THADA: variants seen among roughly 807,000 people sequenced by gnomAD.
The protein encoded by THADA is tRNA (32-2'-O)-methyltransferase regulator THADA.
THADA carries 213 observed loss-of-function variants against 219.8 expected under a neutral mutation model. That is an observed-to-expected ratio of 0.97 (90% confidence interval 0.87 to 1.09). THADA has a LOEUF of 1.09. THADA is among the 50% of genes least tolerant of loss of function. The pLI, the probability that THADA is intolerant of heterozygous loss-of-function variation, is 0.00. For missense variants in THADA, 2,956 were observed against 2,311.3 expected (o/e 1.28, Z -5.72); for synonymous variants, 1,018 against 828.9 (o/e 1.23, Z -3.92).
intron 23 of THADA, among the ~76,000 whole-genome samples, chr2:43,508,122 T>A (rs1212429551): frequency 6.6e-6 from 1 of 152,108 alleles, no homozygotes; most frequent in African/African-American, 2.4e-5. Flanking sequence ...CTAGAATATA[T>A]GGATGATAAT....
intron 30 of THADA, among the ~76,000 whole-genome samples, chr2:43,340,896 C>T (rs529842901): frequency 7.2e-5 from 11 of 152,284 alleles, no homozygotes; most frequent in African/African-American, 2.4e-4. Context: ...TATAGACAGA[C>T]AACTCCCAGA....
At chr2:43,371,031 T>C (rs899020908) in intron 29 of THADA, among the ~76,000 whole-genome samples, 7 of 152,248 alleles carry the variant, frequency 4.6e-5, no homozygotes, top group Non-Finnish European at 1.0e-4. Flanking sequence ...ATTACATTTC[T>C]GCTTTGAAGT....
intron 36 of THADA, among the ~76,000 whole-genome samples, chr2:43,270,155 T>C (rs1470772814): frequency 6.6e-6 from 1 of 152,240 alleles, no homozygotes; most frequent in African/African-American, 2.4e-5. Context: ...AGAGAGGTAC[T>C]GTCCTGGGCC....
chr2:43,255,195 C>G (rs1037348497), intron 36 of THADA, among the ~76,000 whole-genome samples: 2 of 152,204 alleles, frequency 1.3e-5, no homozygotes, highest in African/African-American at 4.8e-5. Flanking sequence ...ACATTCTTCT[C>G]TGAAAACATA....
chr2:43,481,407 A>G (rs1686204208), intron 26 of THADA, among the ~76,000 whole-genome samples: 1 of 152,226 alleles, frequency 6.6e-6, no homozygotes, highest in Non-Finnish European at 1.5e-5. Flanking sequence ...TTAATAAGAC[A>G]GAATAGAGAT....
chr2:43,447,578 A>C (rs1481224885), intron 26 of THADA, among the ~76,000 whole-genome samples: 1 of 152,204 alleles, frequency 6.6e-6, no homozygotes, highest in Non-Finnish European at 1.5e-5. Flanking sequence ...CACAAGAGTT[A>C]AGGCACTGCA....
At chr2:43,272,743 G>A (rs1672277361) in intron 36 of THADA, among the ~76,000 whole-genome samples, 1 of 149,964 alleles carries the variant, frequency 6.7e-6, no homozygotes. Context: ...TCCCACCTCA[G>A]CCTCTTCAGT....
intron 36 of THADA, among the ~76,000 whole-genome samples, chr2:43,243,836 G>A (rs1668859839): frequency 6.6e-6 from 1 of 152,158 alleles, no homozygotes; most frequent in Admixed American, 6.5e-5. Context: ...TGGAACAAAT[G>A]GCCTGGGTTC....
At chr2:43,567,656 A>T (rs1293801425) in intron 14 of THADA, among the ~76,000 whole-genome samples, 1 of 152,216 alleles carries the variant, frequency 6.6e-6, no homozygotes, top group Non-Finnish European at 1.5e-5. Flanking sequence ...ACTAAGAAGT[A>T]TCATTCAAAC....
At chr2:43,287,457 G>A (rs1422086754) in intron 34 of THADA, among the ~76,000 whole-genome samples, 1 of 152,112 alleles carries the variant, frequency 6.6e-6, no homozygotes, top group Admixed American at 6.6e-5. Flanking sequence ...ACCACACCTG[G>A]CTAATTTTTG....
chr2:43,422,074 C>T (rs773386941), intron 28 of THADA, among the ~76,000 whole-genome samples: 8 of 152,176 alleles, frequency 5.3e-5, no homozygotes, highest in East Asian at 3.8e-4. Flanking sequence ...ACCTCAGGTG[C>T]GCTGCAGATA....
intron 29 of THADA, among the ~76,000 whole-genome samples, chr2:43,353,822 A>ATTTT (rs564117010): frequency 7.2e-6 from 1 of 139,082 alleles, no homozygotes; most frequent in African/African-American, 2.7e-5. Flanking sequence ...AGCTCAGCTA[A>ATTTT]TTTTTTTTTT....
chr2:43,490,888 G>A (rs1687551659), intron 25 of THADA, among the ~76,000 whole-genome samples: 1 of 152,026 alleles, frequency 6.6e-6, no homozygotes, highest in African/African-American at 2.4e-5. Context: ...TTTGAGGAGG[G>A]GAGTACTGTA....
rs564402804 is a variant in THADA, at chr2:43,342,377, G to A, written c.4343+1745C>T. Among the ~76,000 whole-genome samples, 37 of 152,290 alleles carry A rather than the reference G, an allele frequency of 2.4e-4. No homozygotes were observed. In the South Asian group the frequency reaches 6.4e-3, roughly 26 times the overall value. The stretch of plus-strand genomic sequence containing the variant: ...ACATCCACACATTGGGAAATCCACC[G>A]CTGGCTCCTTCACCAAAAGGTTTCT... On this transcript the variant is annotated intron_variant, in intron 30 of 37. Coordinates refer to ENST00000405975, the MANE Select transcript of THADA (RefSeq NM_022065.5).
intron 20 of THADA, among the ~76,000 whole-genome samples, chr2:43,545,542 A>C (rs1272832547): frequency 3.9e-5 from 6 of 152,308 alleles, no homozygotes; most frequent in South Asian, 4.2e-4. Context: ...TTATTGCCAC[A>C]ATTTCAGAGC....
chr2:43,509,610 A>G (rs1690132738), intron 22 of THADA, among the ~76,000 whole-genome samples: 1 of 152,204 alleles, frequency 6.6e-6, no homozygotes, highest in Admixed American at 6.5e-5. Flanking sequence ...TTTCCAATTT[A>G]CAGTGAGAAT....
At chr2:43,296,748 G>A (rs1257128740) in intron 31 of THADA, among the ~76,000 whole-genome samples, 1 of 152,204 alleles carries the variant, frequency 6.6e-6, no homozygotes, top group Non-Finnish European at 1.5e-5. Context: ...ACCCACTGCT[G>A]CTAGAGGACA....
chr2:43,577,268 C>G (rs752158253), intron 9 of THADA, 26 bp from the exon 10 acceptor site: 1 of 1,512,070 alleles, frequency 6.6e-7, no homozygotes, highest in Admixed American at 2.0e-5. Flanking sequence ...AGAGCTAACA[C>G]ACATAAAGCT....
chr2:43,345,015 G>A (rs1049734545), intron 29 of THADA, among the ~76,000 whole-genome samples: 3 of 152,248 alleles, frequency 2.0e-5, no homozygotes, highest in Non-Finnish European at 4.4e-5. Context: ...CAAGTCAAGA[G>A]AAATCCTTCA....
Sources: gnomAD v4.1 joint callset for allele counts (sites outside exome capture counted in the v4.1 genomes callset) on GRCh38, gnomAD v4.1.1 for gene constraint, MANE v1.5 for transcripts, NCBI Gene and HGNC (gene_info 2026-07-23, HGNC 2026-07-21) for gene names.